The following TYK2 variants were observed in gnomAD, a reference collection of about 807,000 sequenced individuals.
TYK2 encodes tyrosine kinase 2, also known as non-receptor tyrosine-protein kinase TYK2.
TYK2 carries 65 observed loss-of-function variants against 130.9 expected under a neutral mutation model. That is an observed-to-expected ratio of 0.50 (90% confidence interval 0.41 to 0.61). The LOEUF is 0.61. Among genes scored for constraint, TYK2 ranks in the 20% least tolerant of loss-of-function variants. The pLI is 0.00. For synonymous variants in TYK2, 647 were observed against 658.9 expected, an observed-to-expected ratio of 0.98 and a Z score of 0.28; for missense variants, 1,378 against 1,610.7, an observed-to-expected ratio of 0.86 and a Z score of 2.47.
chr19:10,373,181 C>T (rs1282352631), intron 3 of TYK2, among the ~76,000 whole-genome samples: 7 of 151,562 alleles, frequency 4.6e-5, no homozygotes, highest in Middle Eastern at 3.4e-3. Context: ...GGATTACAGG[C>T]GCCCGCCACC....
Position 10,358,293 on chromosome 19 carries a change from T to TG in TYK2, c.2176-156dup, listed in dbSNP as rs1483068125. Among the ~76,000 whole-genome samples, 47 of 145,184 alleles carry TG rather than the reference T, an allele frequency of 3.2e-4. No individual in the cohort carries two copies. The highest frequency in any genetic ancestry group is 3.6e-4 in the Non-Finnish European group (24 of 66,538). On this transcript the variant is annotated intron_variant, in intron 15 of 24. Coordinates refer to ENST00000525621, the MANE Select transcript of TYK2 (RefSeq NM_003331.5). ...GTTTTTTGGGGGGTTATTTTTTTCT[T>TG]GTTTTTTTTTTTTTTTTTTTTTTTT...
At chr19:10,377,643 G>A (rs1392358048) in intron 3 of TYK2, among the ~76,000 whole-genome samples, 3 of 3,384 alleles carry the variant, frequency 8.9e-4, no homozygotes, top group African/African-American at 1.4e-3. Context: ...TGGATGGATG[G>A]GTGGATGGAT....
rs1424454859 is a variant in TYK2 at position 10,362,129 on chromosome 19, G to T, written c.1722C>A (p.Leu574=). The change falls in exon 12 of 25, where the codon CTC becomes CTA. Residue 574 remains leucine, a synonymous_variant. Coordinates refer to ENST00000525621, the MANE Select transcript of TYK2 (RefSeq NM_003331.5). ...GGTGGAAGCTGAGCTGGCTGAGGTT[G>T]AGTGTCCTGGGGCTGGCCCGAGCCC... The part of the protein sequence containing the change: ...MRGARASPRT[L]NLSQLSFHRV... 1 of 1,614,108 alleles carries T rather than the reference G, an allele frequency of 6.2e-7. No homozygotes were observed. Among genetic ancestry groups the T allele is most frequent in the East Asian group, 2.2e-5 (1 of 44,880 alleles).
In TYK2 at chr19:10,362,186, G is replaced by T; in HGVS notation, c.1670-5C>A. Reference sequence around the variant, plus strand: ...TGATGATGAGATTGGAGGTTTCTGGGGGCAGGCATCAAGTCATGGAGGGCG... The same window carrying T: ...TGATGATGAGATTGGAGGTTTCTGGTGGCAGGCATCAAGTCATGGAGGGCG... On this transcript the variant is annotated splice_polypyrimidine_tract_variant and splice_region_variant and intron_variant, in intron 11 of 24. Coordinates refer to ENST00000525621, the MANE Select transcript of TYK2 (RefSeq NM_003331.5). 6.2e-7 allele frequency: 1 copy of T among 1,613,964 alleles called. No individual in the cohort carries two copies. The highest frequency in any genetic ancestry group is 2.2e-5 in the East Asian group (1 of 44,880).
At chr19:10,356,827 T>A in intron 17 of TYK2, 109 bp from the exon 18 acceptor site, 1 of 1,171,888 alleles carries the variant, frequency 8.5e-7, no homozygotes, top group Admixed American at 2.0e-5. Context: ...CCCGCTCTTA[T>A]CAGTTCCATT....
intron 3 of TYK2, among the ~76,000 whole-genome samples, chr19:10,369,119 A>G (rs1448016836): frequency 6.6e-6 from 1 of 151,984 alleles, no homozygotes; most frequent in Non-Finnish European, 1.5e-5. Flanking sequence ...GATTTTAGGT[A>G]AACCTTGATT....
chr19:10,375,025 G>C (rs1301830349), intron 3 of TYK2, among the ~76,000 whole-genome samples: 1 of 152,062 alleles, frequency 6.6e-6, no homozygotes, highest in African/African-American at 2.4e-5. Context: ...AAAATTATCC[G>C]GGTGTGGTGA....
intron 23 of TYK2, 84 bp from the exon 24 acceptor site, chr19:10,351,246 G>C (rs1046257010): frequency 4.3e-5 from 47 of 1,098,680 alleles, no homozygotes; most frequent in Middle Eastern, 4.5e-4. Context: ...CAGCACTTTG[G>C]AAGGCTGAGG....
chr19:10,376,974 T>G (rs919814713), intron 3 of TYK2, among the ~76,000 whole-genome samples: 8 of 151,976 alleles, frequency 5.3e-5, no homozygotes, highest in African/African-American at 1.9e-4. Flanking sequence ...AAACCATACC[T>G]CATTGCAGGC....
intron 3 of TYK2, among the ~76,000 whole-genome samples, chr19:10,372,500 T>A (rs1173015925): frequency 2.8e-5 from 3 of 108,690 alleles, no homozygotes; most frequent in Non-Finnish European, 3.8e-5. Flanking sequence ...TTTTTTTTTT[T>A]TTTTTTTGAG....
intron 3 of TYK2, among the ~76,000 whole-genome samples, chr19:10,376,091 C>G (rs1476799742): frequency 6.6e-6 from 1 of 150,956 alleles, no homozygotes; most frequent in Non-Finnish European, 1.5e-5. Context: ...CAGCTCACTG[C>G]AGCCTCCACC....
At chr19:10,376,515 C>T (rs1473913334) in intron 3 of TYK2, among the ~76,000 whole-genome samples, 1 of 130,038 alleles carries the variant, frequency 7.7e-6, no homozygotes, top group Non-Finnish European at 1.6e-5. Context: ...ACTACATTGG[C>T]CAGGCTGGTC....
chr19:10,351,271 G>A, intron 23 of TYK2, 109 bp from the exon 24 acceptor site: 1 of 817,880 alleles, frequency 1.2e-6, no homozygotes, highest in Non-Finnish European at 2.0e-6. Flanking sequence ...TGGATCACCT[G>A]AGGTCAGGAG....
intron 14 of TYK2, among the ~76,000 whole-genome samples, chr19:10,360,726 G>A (rs1455245548): frequency 2.6e-5 from 4 of 151,824 alleles, no homozygotes; most frequent in African/African-American, 7.3e-5. Context: ...GTCTAGGGTT[G>A]TTCTGTACAA....
At position 10,356,610 on chromosome 19, in the gene TYK2, A is replaced by G. The variant is rs141267897; in HGVS notation, c.2575T>C (p.Phe859Leu). 1 of 1,613,762 alleles carries G rather than the reference A, an allele frequency of 6.2e-7. No homozygotes were observed. The highest frequency in any genetic ancestry group is 8.5e-7 in the Non-Finnish European group (1 of 1,179,990). ...LTYEPTQRPS[F>L]RTILRDLTRL... ...GTGAGGTCACGCAGGATGGTGCGGA[A>G]TGATGGCCTCTGGGTTGGCTCATAG... Residue 859 changes from phenylalanine (F) to leucine (L), a missense_variant, in exon 18 of 25, where the codon TTC becomes CTC. Coordinates refer to ENST00000525621, the MANE Select transcript of TYK2 (RefSeq NM_003331.5).
chr19:10,377,549 TG>T (rs1568346460), intron 3 of TYK2, among the ~76,000 whole-genome samples: 4 of 71,588 alleles, frequency 5.6e-5, no homozygotes, highest in Non-Finnish European at 7.9e-5. Flanking sequence ...GATGGATGGG[TG>T]GGTGGGTGGA....
At chr19:10,358,251 G>T in intron 15 of TYK2, 113 bp from the exon 16 acceptor site, 1 of 1,067,892 alleles carries the variant, frequency 9.4e-7, no homozygotes, top group Non-Finnish European at 1.3e-6. Flanking sequence ...GACTATCACT[G>T]GGTTTCTTTC....
Position 10,361,706 on chromosome 19 carries a change from C to T in TYK2, c.1959+64G>A. ...ACCTCCTCCACAGACACACCCCTCC[C>T]ATCCCACCTCCTCCGGCCACCTCCT... On this transcript the variant is annotated intron_variant, in intron 13 of 24. Transcript: ENST00000525621. The surrounding 1 kb of genome is among the most constrained non-coding windows in gnomAD (Gnocchi z 4.0). 2 of 1,590,792 alleles carry T rather than the reference C, an allele frequency of 1.3e-6. No homozygotes were observed. Among genetic ancestry groups the T allele is most frequent in the Non-Finnish European group, 1.7e-6 (2 of 1,167,112 alleles).
chr19:10,364,458 G>A lies in TYK2; in HGVS notation c.1367+156C>T, dbSNP rs938870671. Among the ~76,000 whole-genome samples, 1 of 152,014 alleles carries A rather than the reference G, an allele frequency of 6.6e-6. No individual in the cohort carries two copies. The highest frequency in any genetic ancestry group is 1.5e-5 in the Non-Finnish European group (1 of 67,998). On this transcript the variant is annotated intron_variant, in intron 9 of 24. Transcript: ENST00000525621. The surrounding 1 kb of genome is among the most constrained non-coding windows in gnomAD (Gnocchi z 4.9). ...GAACCCGGGAGGCGGAGGCTGCAGT[G>A]AGCTGAGATCATGCCACTGCACTCC... is the stretch of plus-strand genomic sequence containing the variant.
Sources: allele counts gnomAD v4.1 joint callset (sites outside exome capture counted in the v4.1 genomes callset), GRCh38; gene constraint gnomAD v4.1.1; non-coding constraint Gnocchi (gnomAD v3.1); transcripts MANE v1.5; gene names NCBI Gene and HGNC (gene_info 2026-07-23, HGNC 2026-07-21).